Variants in GIGYF2 observed in about 807,000 individuals in gnomAD.
GIGYF2 encodes the protein GRB10 interacting GYF protein 2.
In GIGYF2, 25 loss-of-function variants were observed where a neutral mutation model predicts 208.1. The ratio of observed to expected loss-of-function variants is 0.12; its 90% confidence interval spans 0.09 to 0.17. The LOEUF (loss-of-function observed/expected upper bound fraction) is 0.17, where lower values mean the gene tolerates loss of function less well. Among genes scored for constraint, GIGYF2 ranks in the 10% least tolerant of loss-of-function variants. The pLI, the probability that GIGYF2 is intolerant of heterozygous loss-of-function variation, is 1.00. For synonymous variants in GIGYF2, 534 were observed against 543.8 expected (o/e 0.98, Z 0.25); for missense variants, 1,302 against 1,579.4 (o/e 0.82, Z 2.98).
Position 232,731,666 on chromosome 2 carries a change from T to C in GIGYF2, c.-43-3489T>C, listed in dbSNP as rs568099268. On this transcript the variant is annotated intron_variant, in intron 2 of 28. Coordinates refer to ENST00000373563, the MANE Select transcript of GIGYF2 (RefSeq NM_001103146.3). Reference sequence around the variant, plus strand: ...AGACTGTTGTGTAAGCAGTGATGCCTGTTTTAGTTTAACAGTGGGCACCTT... The same window carrying C: ...AGACTGTTGTGTAAGCAGTGATGCCCGTTTTAGTTTAACAGTGGGCACCTT... 2.1e-3 allele frequency among the ~76,000 whole-genome samples: 313 copies of C among 152,350 alleles called. 1 individual carries two copies. Among genetic ancestry groups the C allele is most frequent in the African/African-American group, 7.2e-3 (298 of 41,576 alleles).
intron 20 of GIGYF2, among the ~76,000 whole-genome samples, chr2:232,817,895 T>A (rs1385496774): frequency 6.6e-6 from 1 of 152,220 alleles, no homozygotes; most frequent in Non-Finnish European, 1.5e-5. Flanking sequence ...GAAGTGGAGT[T>A]GCTGGATCAT....
intron 18 of GIGYF2, among the ~76,000 whole-genome samples, chr2:232,814,143 C>A (rs940302607): frequency 2.0e-5 from 3 of 152,060 alleles, no homozygotes; most frequent in Non-Finnish European, 4.4e-5. Flanking sequence ...GCCTCTGCCT[C>A]CCAAACTGCT....
intron 8 of GIGYF2, chr2:232,771,515 T>G (rs1699245488): frequency 1.8e-6 from 1 of 568,848 alleles, no homozygotes; most frequent in African/African-American, 1.9e-5. Context: ...GCTTTTCTCT[T>G]CACGTTAGAT....
At chr2:232,804,855 C>T (rs759380072) in intron 14 of GIGYF2, among the ~76,000 whole-genome samples, 7 of 151,540 alleles carry the variant, frequency 4.6e-5, no homozygotes, top group African/African-American at 9.7e-5. Flanking sequence ...CTCTTTTACC[C>T]ATGGATTATT....
At chr2:232,752,264 T>G (rs1312891584) in intron 5 of GIGYF2, among the ~76,000 whole-genome samples, 2 of 152,238 alleles carry the variant, frequency 1.3e-5, no homozygotes. Context: ...TAGTATTGAC[T>G]AGATCTTCCT....
chr2:232,810,813 A>G (rs1479918536), intron 16 of GIGYF2: 1 of 197,402 alleles, frequency 5.1e-6, no homozygotes, highest in East Asian at 1.3e-4. Context: ...AAGACGATCA[A>G]TGTATGAATT....
chr2:232,850,282 C>G lies in GIGYF2; in HGVS notation c.3705C>G (p.Asn1235Lys), dbSNP rs561097726. Residue 1235 changes from asparagine (N) to lysine (K), a missense_variant, in exon 28 of 29, where the codon AAC becomes AAG. Coordinates refer to ENST00000373563, the MANE Select transcript of GIGYF2 (RefSeq NM_001103146.3). ...CACAGGACTCTGTGTGGGGGATGAA[C>G]CACAGTACACTCCATTCAGTATTTC... ...PQQQDSVWGM[N>K]HSTLHSVFQT... 1 of 1,613,472 alleles carries G rather than the reference C, an allele frequency of 6.2e-7. No homozygotes were observed. Among genetic ancestry groups the G allele is most frequent in the Non-Finnish European group, 8.5e-7 (1 of 1,179,418 alleles).
In GIGYF2 at chr2:232,842,387, A is replaced by T. The variant is rs551621713; in HGVS notation, c.2890-1659A>T. Reference sequence around the variant, plus strand: ...GAGCTTTTAATATATGCTATATCAAACATCTGTGAGTCCTTATTTTGTTCT... The same window carrying T: ...GAGCTTTTAATATATGCTATATCAATCATCTGTGAGTCCTTATTTTGTTCT... On this transcript the variant is annotated intron_variant, in intron 23 of 28. Transcript: ENST00000373563. Among the ~76,000 whole-genome samples the T allele has an allele frequency of 3.1e-4, 47 of 152,278 alleles. 1 individual carries two copies. The highest frequency in any genetic ancestry group is 6.2e-4 in the South Asian group (3 of 4,822).
intron 16 of GIGYF2, chr2:232,810,849 A>G (rs1298062229): frequency 5.1e-6 from 1 of 194,740 alleles, no homozygotes; most frequent in Non-Finnish European, 1.1e-5. Context: ...CATTTTTTAC[A>G]AAGGGTACGT....
Position 232,790,833 on chromosome 2 carries a change from A to C in GIGYF2, c.848A>C (p.Asp283Ala), listed in dbSNP as rs754592960. Residue 283 changes from aspartate (D) to alanine (A), a missense_variant, in exon 10 of 29, where the codon GAT becomes GCT. Asp to Ala is a moderately radical substitution (Grantham distance 126). Around this residue, in one of 8 missense-constraint regions of GIGYF2, gnomAD observed 50 missense variants for 42.3 expected, o/e 1.18. Coordinates refer to ENST00000373563, the MANE Select transcript of GIGYF2 (RefSeq NM_001103146.3). ...SGSGSIDDDRDSLPEWCLEDA... is the reference protein window; with the variant it reads ...SGSGSIDDDRASLPEWCLEDA... ...AGTGGGAGCATAGATGATGACAGGG[A>C]TAGCTTGCCCGAATGGTGCTTAGAG... The C allele has an allele frequency of 6.8e-6, 11 of 1,614,024 alleles. No individual in the cohort carries two copies. The highest frequency in any genetic ancestry group is 9.3e-6 in the Non-Finnish European group (11 of 1,180,000).
intron 13 of GIGYF2, 125 bp from the exon 14 acceptor site, chr2:232,795,937 T>C: frequency 1.4e-6 from 1 of 731,344 alleles, no homozygotes; most frequent in South Asian, 1.5e-5. Context: ...TTACCTGCTA[T>C]GTTCTTTGCA....
At chr2:232,850,604 A>G (rs931293554) in intron 28 of GIGYF2, among the ~76,000 whole-genome samples, 195 bp downstream of exon 28, 3 of 152,230 alleles carry the variant, frequency 2.0e-5, no homozygotes, top group African/African-American at 7.2e-5. Context: ...GCCTCATGTA[A>G]TAACAACTTA....
chr2:232,756,888 T>G (rs561395886), intron 6 of GIGYF2, among the ~76,000 whole-genome samples: 75 of 152,370 alleles, frequency 4.9e-4, no homozygotes, highest in Non-Finnish European at 2.4e-4. Context: ...TATTACTTGT[T>G]TCTTTGATAT....
chr2:232,707,945 A>G (rs182366429), intron 2 of GIGYF2, among the ~76,000 whole-genome samples: 76 of 149,766 alleles, frequency 5.1e-4, no homozygotes, highest in Non-Finnish European at 1.1e-3. Context: ...GCCTTTTTGC[A>G]TTTCTTTTTT....
At chr2:232,846,001 C>G in intron 26 of GIGYF2, 115 bp downstream of exon 26, 1 of 736,406 alleles carries the variant, frequency 1.4e-6, no homozygotes, top group Non-Finnish European at 2.5e-6. Context: ...AGGAGGTCAA[C>G]TGCTGCACCT....
chr2:232,716,665 G>A (rs1303955196), intron 2 of GIGYF2, among the ~76,000 whole-genome samples: 1 of 152,154 alleles, frequency 6.6e-6, no homozygotes, highest in Non-Finnish European at 1.5e-5. Context: ...TTACAGGCAT[G>A]AGCCACTGCG....
chr2:232,842,251 T>C (rs1701842273), intron 23 of GIGYF2, among the ~76,000 whole-genome samples: 1 of 152,120 alleles, frequency 6.6e-6, no homozygotes, highest in African/African-American at 2.4e-5. Flanking sequence ...AGTGCAGTGG[T>C]GTGATGGTAA....
intron 8 of GIGYF2, among the ~76,000 whole-genome samples, chr2:232,781,287 T>TACACACAC (rs3062047): frequency 0.046 from 5,871 of 127,002 alleles, 215 homozygotes; most frequent in South Asian, 0.086. Context: ...ATATCAGGAA[T>TACACACAC]ACACACACAC....
chr2:232,858,279 G>T lies in GIGYF2; in HGVS notation c.*1419G>T. On this transcript the variant is annotated 3_prime_UTR_variant, in exon 29 of 29. Transcript: ENST00000373563. ...TGTCATTGTTGCCTGAAGAAGGCTGGAGTTGCTCTGAGAGCAGTTTGGGTT... is the reference window on the plus strand; with the variant it reads ...TGTCATTGTTGCCTGAAGAAGGCTGTAGTTGCTCTGAGAGCAGTTTGGGTT... 1 of 351,072 alleles carries T rather than the reference G, an allele frequency of 2.8e-6. No individual in the cohort carries two copies. Among genetic ancestry groups the T allele is most frequent in the South Asian group, 2.3e-5 (1 of 43,658 alleles). 21.7% of individuals were successfully genotyped at this position (351,072 alleles called of 1,614,324 possible).
Sources: allele counts gnomAD v4.1 joint callset (sites outside exome capture counted in the v4.1 genomes callset), GRCh38; gene constraint gnomAD v4.1.1; regional missense constraint gnomAD v4.1.1; transcripts MANE v1.5; gene names NCBI Gene and HGNC (gene_info 2026-07-23, HGNC 2026-07-21).